The following MCM8 variants were observed in gnomAD, a reference collection of about 807,000 sequenced individuals.
MCM8 encodes the protein minichromosome maintenance 8 homologous recombination repair factor.
Under a neutral mutation model 98.9 loss-of-function variants are expected in MCM8, and 85 were observed. That is an observed-to-expected ratio of 0.86 (90% confidence interval 0.72 to 1.03). The LOEUF is 1.03. MCM8 is among the 50% of genes least tolerant of loss of function. MCM8 has a pLI of 0.00. For missense variants in MCM8, 951 were observed against 997.8 expected (o/e 0.95, Z 0.63); for synonymous variants, 352 against 338.6 (o/e 1.04, Z -0.44).
chr20:5,989,328 A>G (rs933889116), intron 17 of MCM8, among the ~76,000 whole-genome samples: 2 of 151,864 alleles, frequency 1.3e-5, no homozygotes, highest in Non-Finnish European at 2.9e-5. Context: ...GTTGGCCAGG[A>G]TGGTCTCAAA....
rs757127286 is a variant in MCM8, at chr20:5,972,010, G to C, written c.1227G>C (p.Ser409=). ...EENLFKLIVN[S]LCPVIFGHEL... ...TAAGTTGTGTTCTGTTTTTCAGCTC[G>C]CTTTGCCCTGTCATTTTTGGTCATG... The change falls in exon 11 of 19, where the codon TCG becomes TCC. Residue 409 remains serine, a synonymous_variant. Transcript: ENST00000610722. 1.2e-6 allele frequency: 2 copies of C among 1,610,928 alleles called. No individual in the cohort carries two copies. The highest frequency in any genetic ancestry group is 4.5e-5 in the East Asian group (2 of 44,680).
intron 15 of MCM8, among the ~76,000 whole-genome samples, chr20:5,985,631 T>C (rs932389196): frequency 2.0e-5 from 3 of 151,748 alleles, no homozygotes; most frequent in Non-Finnish European, 4.4e-5. Flanking sequence ...CTGCAACCTC[T>C]GTCTCCCGGG....
chr20:5,973,555 C>T (rs2089448450), intron 12 of MCM8, among the ~76,000 whole-genome samples: 1 of 152,228 alleles, frequency 6.6e-6, no homozygotes, highest in Non-Finnish European at 1.5e-5. Context: ...ACCTATTCTC[C>T]CTCATACAAG....
At chr20:5,972,193 C>CT (rs57845201) in intron 11 of MCM8, among the ~76,000 whole-genome samples, 156 bp downstream of exon 11, 89 of 144,352 alleles carry the variant, frequency 6.2e-4, no homozygotes, top group South Asian at 1.8e-3. Context: ...CAAACTATAG[C>CT]TTTTTTTTTT....
chr20:5,987,029 G>T (rs2089747799), intron 16 of MCM8, among the ~76,000 whole-genome samples: 1 of 151,862 alleles, frequency 6.6e-6, no homozygotes, highest in South Asian at 2.1e-4. Flanking sequence ...TCCTCACTTT[G>T]TTGCTCAGGC....
At chr20:5,973,408 T>G (rs1408341008) in intron 12 of MCM8, among the ~76,000 whole-genome samples, 1 of 152,252 alleles carries the variant, frequency 6.6e-6, no homozygotes, top group African/African-American at 2.4e-5. Flanking sequence ...TGTACAAACA[T>G]CTTGGTCTGT....
rs750790535 is a variant in MCM8, at chr20:5,955,270, C to T, written c.486+19C>T. On this transcript the variant is annotated intron_variant, in intron 5 of 18. Coordinates refer to ENST00000610722, the MANE Select transcript of MCM8 (RefSeq NM_032485.6). Reference sequence around the variant, plus strand: ...ACATCAGGTAACTATTTGTCTTATGCATACTTTTGTCTAAACTTTTTTAAT... The same window carrying T: ...ACATCAGGTAACTATTTGTCTTATGTATACTTTTGTCTAAACTTTTTTAAT... 157 of 1,602,954 alleles carry T rather than the reference C, an allele frequency of 9.8e-5. No individual in the cohort carries two copies. Among genetic ancestry groups the T allele is most frequent in the Non-Finnish European group, 1.3e-4 (148 of 1,176,140 alleles).
At position 5,994,980 on chromosome 20, in the gene MCM8, AG is replaced by A. The variant is rs1309496183; in HGVS notation, c.*590del. 5.7e-5 allele frequency: 10 copies of A among 176,098 alleles called. No homozygotes were observed. Among genetic ancestry groups the A allele is most frequent in the Middle Eastern group, 2.7e-3 (1 of 368 alleles). The allele number at this position is 176,098 out of a possible 1,614,324, so 10.9% of individuals were successfully genotyped here. ...TAAATAAATTCTCCAAAGGGCTAAA[AG>A]TAAATTACTTATAAATTTTTTATAG... is the stretch of plus-strand genomic sequence containing the variant. On this transcript the variant is annotated 3_prime_UTR_variant, in exon 19 of 19. Transcript: ENST00000610722.
chr20:5,957,378 T>G (rs2089014711), intron 6 of MCM8, 149 bp downstream of exon 6: 2 of 546,048 alleles, frequency 3.7e-6, no homozygotes, highest in African/African-American at 1.9e-5. Flanking sequence ...TGAAATAAAC[T>G]CATTGAAAAT....
In MCM8 at chr20:5,955,213, G is replaced by A. The variant is rs1228849667; in HGVS notation, c.448G>A (p.Glu150Lys). 2 of 1,613,804 alleles carry A rather than the reference G, an allele frequency of 1.2e-6. No homozygotes were observed. Among genetic ancestry groups the A allele is most frequent in the Non-Finnish European group, 1.7e-6 (2 of 1,179,898 alleles). The part of the protein sequence containing the change: ...DIATELRDAP[E>K]KTLACMGLAI... Reference sequence around the variant, plus strand: ...AGCAACTGAACTAAGAGATGCACCTGAGAAAACCTTGGCTTGCATGGGTTT... The same window carrying A: ...AGCAACTGAACTAAGAGATGCACCTAAGAAAACCTTGGCTTGCATGGGTTT... Residue 150 changes from glutamate (E) to lysine (K), a missense_variant, in exon 5 of 19, where the codon GAG becomes AAG. Physicochemically the swap from Glu to Lys is moderately conservative, Grantham distance 56. Coordinates refer to ENST00000610722, the MANE Select transcript of MCM8 (RefSeq NM_032485.6).
At chr20:5,969,146 A>C (rs1047080640) in intron 10 of MCM8, among the ~76,000 whole-genome samples, 1 of 152,238 alleles carries the variant, frequency 6.6e-6, no homozygotes, top group Admixed American at 6.5e-5. Flanking sequence ...AATGTACTTA[A>C]CATAACTACT....
chr20:5,977,928 C>G lies in MCM8; in HGVS notation c.1448C>G (p.Thr483Ser). The G allele has an allele frequency of 4.3e-6, 7 of 1,614,228 alleles. No individual in the cohort carries two copies. The highest frequency in any genetic ancestry group is 5.9e-6 in the Non-Finnish European group (7 of 1,180,034). Reference protein sequence around the residue: ...RGVYVCGNTTTTSGLTVTLSK... With the variant: ...RGVYVCGNTTSTSGLTVTLSK... ...GTGTATGTTTGTGGTAACACCACGA[C>G]CACCTCTGGTCTGACGGTAACTCTT... The change falls in exon 13 of 19, where the codon ACC becomes AGC. Residue 483 changes from threonine (T) to serine (S), a missense_variant. Thr to Ser is a moderately conservative substitution (Grantham distance 58, BLOSUM62 1). Transcript: ENST00000610722.
Position 5,994,438 on chromosome 20 carries a change from G to T in MCM8, c.*47G>T. 8.2e-7 allele frequency: 1 copy of T among 1,225,654 alleles called. No homozygotes were observed. Among genetic ancestry groups the T allele is most frequent in the East Asian group, 2.5e-5 (1 of 40,290 alleles). The allele number at this position is 1,225,654 out of a possible 1,614,324, so 75.9% of individuals were successfully genotyped here. On this transcript the variant is annotated 3_prime_UTR_variant, in exon 19 of 19. Coordinates refer to ENST00000610722, the MANE Select transcript of MCM8 (RefSeq NM_032485.6). Reference sequence around the variant, plus strand: ...CCTCCTGGGTTTATTGCAGATTAAAGCCATCTCAGTGAAGATATGCGTGCA... The same window carrying T: ...CCTCCTGGGTTTATTGCAGATTAAATCCATCTCAGTGAAGATATGCGTGCA...
intron 12 of MCM8, among the ~76,000 whole-genome samples, chr20:5,973,642 G>A (rs1233738165): frequency 6.6e-6 from 1 of 152,082 alleles, no homozygotes; most frequent in Non-Finnish European, 1.5e-5. Flanking sequence ...TCCACTGCTT[G>A]TGAGTCCAAA....
chr20:5,960,986 A>G (rs1600251580), intron 7 of MCM8, among the ~76,000 whole-genome samples: 2 of 152,342 alleles, frequency 1.3e-5, no homozygotes, highest in East Asian at 1.9e-4. Flanking sequence ...CATTATAAAC[A>G]TATTTCCTAC....
intron 11 of MCM8, among the ~76,000 whole-genome samples, 179 bp from the exon 12 acceptor site, chr20:5,972,877 C>G (rs1355376089): frequency 1.3e-5 from 2 of 152,124 alleles, no homozygotes; most frequent in Admixed American, 6.5e-5. Context: ...CAAGTTTTTA[C>G]TTTTTAATCA....
chr20:5,986,068 C>G lies in MCM8; in HGVS notation c.2100C>G (p.Ser700Arg), dbSNP rs201252465. Residue 700 changes from serine (S) to arginine (R), a missense_variant, in exon 16 of 19, where the codon AGC becomes AGG. By Grantham distance (110) the Ser-to-Arg change is moderately radical. Coordinates refer to ENST00000610722, the MANE Select transcript of MCM8 (RefSeq NM_032485.6). ...TTTACCTTGAGCTCCGGAAACAGAG[C>G]CAGAGGTTAAATAGCTCACCAATCA... ...QDFYLELRKQ[S>R]QRLNSSPITT... The G allele has an allele frequency of 3.7e-6, 6 of 1,614,132 alleles. No individual in the cohort carries two copies. The East Asian group carries it at 6.7e-5, about 18-fold the overall frequency.
intron 13 of MCM8, among the ~76,000 whole-genome samples, chr20:5,981,884 A>G (rs764958752): frequency 6.6e-6 from 1 of 152,266 alleles, no homozygotes; most frequent in Non-Finnish European, 1.5e-5. Flanking sequence ...TAACAATGTT[A>G]TTAAACTAAT....
At chr20:5,993,881 T>C (rs1336412048) in intron 18 of MCM8, 186 bp downstream of exon 18, 7 of 489,920 alleles carry the variant, frequency 1.4e-5, no homozygotes, top group Non-Finnish European at 2.1e-5. Flanking sequence ...GACTGTCTCT[T>C]GTGGATATGT....
Sources: gnomAD v4.1 joint callset for allele counts (sites outside exome capture counted in the v4.1 genomes callset) on GRCh38, gnomAD v4.1.1 for gene constraint, MANE v1.5 for transcripts, NCBI Gene and HGNC (gene_info 2026-07-23, HGNC 2026-07-21) for gene names.